The following EVI5 variants were observed in gnomAD, a reference collection of about 807,000 sequenced individuals.
EVI5 encodes the protein ecotropic viral integration site 5.
EVI5 carries 73 observed loss-of-function variants against 112.0 expected under a neutral mutation model. The observed-to-expected ratio is 0.65, with a 90% CI of 0.54 to 0.79. EVI5 has a LOEUF of 0.79. Ranked by LOEUF, EVI5 falls within the 30% of genes least tolerant of loss-of-function variation. The pLI, the probability that EVI5 is intolerant of heterozygous loss-of-function variation, is 0.00. For missense variants in EVI5, 900 were observed against 968.8 expected (o/e 0.93, Z 0.94); for synonymous variants, 305 against 319.9 (o/e 0.95, Z 0.50).
intron 1 of EVI5, among the ~76,000 whole-genome samples, chr1:92,778,454 T>C (rs1007675341): frequency 2.0e-5 from 3 of 152,200 alleles, no homozygotes; most frequent in Admixed American, 6.5e-5. Flanking sequence ...GTGGAAGACA[T>C]AGGCATCCTA....
intron 19 of EVI5, among the ~76,000 whole-genome samples, chr1:92,527,466 G>T (rs1044954191): frequency 2.7e-5 from 4 of 146,940 alleles, no homozygotes; most frequent in African/African-American, 1.0e-4. Flanking sequence ...GAAAAAAAAA[G>T]TATGTATTTA....
chr1:92,788,614 T>G (rs994673451), upstream of EVI5, among the ~76,000 whole-genome samples: 6 of 151,904 alleles, frequency 3.9e-5, no homozygotes, highest in African/African-American at 1.4e-4. Context: ...GCCAACATGG[T>G]GAAACCCCAT....
chr1:92,545,191 T>C (rs557854811), intron 19 of EVI5, among the ~76,000 whole-genome samples: 1 of 152,300 alleles, frequency 6.6e-6, no homozygotes, highest in East Asian at 1.9e-4. Flanking sequence ...ACATTTTCAA[T>C]TTGAAAAACT....
intron 1 of EVI5, chr1:92,749,066 CA>C (rs60282362): frequency 0.55 from 57,056 of 104,560 alleles, 11,137 homozygotes; most frequent in East Asian, 0.72. Context: ...AACTCTGTCT[CA>C]AAAAAAAAAA....
At chr1:92,568,360 C>G (rs1571596630) in intron 18 of EVI5, among the ~76,000 whole-genome samples, 1 of 103,948 alleles carries the variant, frequency 9.6e-6, no homozygotes, top group Non-Finnish European at 1.9e-5. Context: ...TGGGAGACAG[C>G]AAAAACCTAT....
chr1:92,695,632 G>A (rs1670202931), intron 6 of EVI5, among the ~76,000 whole-genome samples, 179 bp from the exon 7 acceptor site: 1 of 151,836 alleles, frequency 6.6e-6, no homozygotes, highest in South Asian at 2.1e-4. Flanking sequence ...AGAAAGAAGG[G>A]GGAAAGAATG....
intron 9 of EVI5, among the ~76,000 whole-genome samples, chr1:92,678,074 C>CA (rs1316298458): frequency 6.6e-6 from 1 of 152,088 alleles, no homozygotes; most frequent in Non-Finnish European, 1.5e-5. Flanking sequence ...GGGAGGGGGA[C>CA]AAGGGCTGAA....
At chr1:92,710,806 G>A (rs1454644058) in intron 2 of EVI5, among the ~76,000 whole-genome samples, 2 of 152,168 alleles carry the variant, frequency 1.3e-5, no homozygotes, top group East Asian at 3.8e-4. Context: ...TAAAGATCGA[G>A]AGTCTAGGAG....
intron 18 of EVI5, among the ~76,000 whole-genome samples, chr1:92,593,654 T>G (rs6658716): frequency 0.92 from 139,737 of 152,016 alleles, 64,305 homozygotes; most frequent in East Asian, 0.97. Context: ...ATGACATGAT[T>G]GTATATCTAG....
chr1:92,689,819 A>G (rs1669187575), intron 9 of EVI5, among the ~76,000 whole-genome samples: 4 of 152,238 alleles, frequency 2.6e-5, no homozygotes, highest in Admixed American at 2.6e-4. Flanking sequence ...AAAAGAATAG[A>G]CTAATTTAAA....
At chr1:92,611,793 C>T (rs1385272434) in intron 16 of EVI5, among the ~76,000 whole-genome samples, 2 of 151,518 alleles carry the variant, frequency 1.3e-5, no homozygotes, top group Admixed American at 6.6e-5. Flanking sequence ...CCTGTAGTCC[C>T]AGCTACTTGG....
At chr1:92,645,205 T>G (rs779436108) in intron 13 of EVI5, among the ~76,000 whole-genome samples, 1 of 152,198 alleles carries the variant, frequency 6.6e-6, no homozygotes. Flanking sequence ...CAATCTTAAA[T>G]AAGATTGTTA....
chr1:92,614,840 TTATATATATATATATA>T (rs561640520), intron 16 of EVI5, among the ~76,000 whole-genome samples: 3 of 12,612 alleles, frequency 2.4e-4, no homozygotes, highest in Non-Finnish European at 3.9e-4. Context: ...ATGTTATATT[TTATATATATATATATA>T]TATATATATA....
chr1:92,589,117 T>G (rs1419296994), intron 18 of EVI5, among the ~76,000 whole-genome samples: 1 of 152,172 alleles, frequency 6.6e-6, no homozygotes, highest in African/African-American at 2.4e-5. Flanking sequence ...TGGTCAAGCT[T>G]AAGCTGACTT....
chr1:92,791,551 A>G (rs1175206529), intron 1 of EVI5, among the ~76,000 whole-genome samples: 1 of 152,216 alleles, frequency 6.6e-6, no homozygotes, highest in Non-Finnish European at 1.5e-5. Flanking sequence ...CTGAATTAGA[A>G]GAATCCTGAT....
intron 2 of EVI5, among the ~76,000 whole-genome samples, chr1:92,720,510 T>G (rs1451889389): frequency 1.3e-5 from 2 of 152,178 alleles, no homozygotes; most frequent in Non-Finnish European, 2.9e-5. Context: ...CCTTACACCT[T>G]ATACAAAAAG....
At chr1:92,617,188 A>G (rs956251024) in intron 16 of EVI5, among the ~76,000 whole-genome samples, 1 of 152,220 alleles carries the variant, frequency 6.6e-6, no homozygotes, top group Admixed American at 6.5e-5. Flanking sequence ...GACAGCGGTG[A>G]AGGTAAATCT....
chr1:92,625,977 GAAT>G, intron 14 of EVI5, 43 bp from the exon 15 acceptor site: 1 of 1,330,858 alleles, frequency 7.5e-7, no homozygotes, highest in Non-Finnish European at 1.1e-6. Flanking sequence ...TAAATTTAAG[GAAT>G]AAAATACAGC....
chr1:92,551,160 G>GCCTC (rs1666879009), intron 19 of EVI5, among the ~76,000 whole-genome samples: 1 of 143,262 alleles, frequency 7.0e-6, no homozygotes, highest in African/African-American at 2.6e-5. Context: ...TCTCACTTCA[G>GCCTC]CCTCCCAGGT....
Sources: gnomAD v4.1 joint callset for allele counts (sites outside exome capture counted in the v4.1 genomes callset) on GRCh38, gnomAD v4.1.1 for gene constraint, MANE v1.5 for transcripts, NCBI Gene and HGNC (gene_info 2026-07-23, HGNC 2026-07-21) for gene names.